Variants in EPB41 observed in about 807,000 individuals in gnomAD.
EPB41 encodes the protein erythrocyte membrane protein band 4.1, also known as protein 4.1.
Under a neutral mutation model 108.0 loss-of-function variants are expected in EPB41, and 65 were observed. The observed-to-expected ratio is 0.60, with a 90% CI of 0.49 to 0.74. EPB41 has a LOEUF of 0.74. EPB41 is among the 30% of genes least tolerant of loss of function. EPB41 has a pLI of 0.00. For missense variants in EPB41, 875 were observed against 1,037.0 expected, an observed-to-expected ratio of 0.84 and a Z score of 2.15; for synonymous variants, 336 against 358.9, an observed-to-expected ratio of 0.94 and a Z score of 0.72.
At chr1:28,982,553 C>T (rs2095781942) in intron 1 of EPB41, 5 of 1,453,090 alleles carry the variant, frequency 3.4e-6, no homozygotes, top group Non-Finnish European at 4.8e-6. Context: ...GCTTTGCATC[C>T]AGAGTAGCGT....
At chr1:28,888,327 G>A (rs1261943699) in intron 1 of EPB41, among the ~76,000 whole-genome samples, 1 of 152,224 alleles carries the variant, frequency 6.6e-6, no homozygotes, top group African/African-American at 2.4e-5. Flanking sequence ...GAGGGGCTGG[G>A]GAGGGGCCAG....
chr1:29,048,898 A>G (rs554012490), intron 11 of EPB41, among the ~76,000 whole-genome samples: 1 of 152,272 alleles, frequency 6.6e-6, no homozygotes, highest in South Asian at 2.1e-4. Context: ...AAAAAGTGGA[A>G]ATATGTCTGT....
At chr1:29,054,536 TAAAAAAAAAAA>T (rs147359708) in intron 12 of EPB41, 2 of 123,960 alleles carry the variant, frequency 1.6e-5, no homozygotes, top group South Asian at 2.7e-4. Context: ...TTGATTATAT[TAAAAAAAAAAA>T]AAAAAAAAAA....
At chr1:28,948,329 G>C (rs1002200280) in intron 1 of EPB41, among the ~76,000 whole-genome samples, 9 of 151,012 alleles carry the variant, frequency 6.0e-5, no homozygotes, top group African/African-American at 2.2e-4. Context: ...GTGAAACCCC[G>C]TCTCTACTAA....
Position 28,987,588 on chromosome 1 carries a change from C to T in EPB41, c.151C>T (p.Gln51Ter). ...TAAEGDNWCE[Q>*]KLKASNGDTP... ...AGCTGAAGGAGATAATTGGTGTGAACAGAAGCTGAAAGCTTCTAATGGAGA... is the reference window on the plus strand; with the variant it reads ...AGCTGAAGGAGATAATTGGTGTGAATAGAAGCTGAAAGCTTCTAATGGAGA... The change falls in exon 2 of 21, where the codon CAG becomes TAG. Residue 51 changes from glutamine to a stop codon, truncating the protein, a stop_gained. Coordinates refer to ENST00000343067, the MANE Select transcript of EPB41 (RefSeq NM_001376013.1). LOFTEE classifies it high-confidence loss of function. The T allele has an allele frequency of 1.9e-6, 3 of 1,614,156 alleles. No homozygotes were observed. In the East Asian group the frequency reaches 6.7e-5, roughly 36 times the overall value.
rs191360435 is a variant in EPB41 at position 29,001,381 on chromosome 1, A to G, written c.786+4062A>G. On this transcript the variant is annotated intron_variant, in intron 4 of 20. Coordinates refer to ENST00000343067, the MANE Select transcript of EPB41 (RefSeq NM_001376013.1). The stretch of plus-strand genomic sequence containing the variant: ...TCACAGTTGTCTAGTCTGGATGGGT[A>G]TCACAGTCTGTTTTATATACAGCTG... Among the ~76,000 whole-genome samples the G allele has an allele frequency of 2.9e-3, 447 of 152,136 alleles. 3 individuals are homozygous for G. The highest frequency in any genetic ancestry group is 0.01 in the African/African-American group (429 of 41,482).
intron 11 of EPB41, among the ~76,000 whole-genome samples, chr1:29,047,253 C>T (rs1178394808): frequency 2.4e-4 from 24 of 100,518 alleles, no homozygotes; most frequent in African/African-American, 3.5e-4. Flanking sequence ...TCTTTCTTTC[C>T]TTTTTTTTTT....
chr1:29,056,972 A>G (rs1645576809), intron 12 of EPB41, among the ~76,000 whole-genome samples: 1 of 152,198 alleles, frequency 6.6e-6, no homozygotes, highest in Non-Finnish European at 1.5e-5. Flanking sequence ...CTAAATGTAC[A>G]ATTCTGGGAA....
Position 29,024,266 on chromosome 1 carries a change from C to T in EPB41, c.1124+5824C>T, listed in dbSNP as rs1164994249. Among the ~76,000 whole-genome samples the T allele has an allele frequency of 3.3e-5, 5 of 151,324 alleles. 1 individual carries two copies. Among genetic ancestry groups the T allele is most frequent in the South Asian group, 2.1e-4 (1 of 4,792 alleles). ...AGGAGAATTGCTTGAACCCAGGAGGCGGAGGTTGCAGTGAGCCGAGATCAT... is the reference window on the plus strand; with the variant it reads ...AGGAGAATTGCTTGAACCCAGGAGGTGGAGGTTGCAGTGAGCCGAGATCAT... On this transcript the variant is annotated intron_variant, in intron 7 of 20. Transcript: ENST00000343067.
At chr1:29,086,994 G>T (rs528475066) in intron 16 of EPB41, among the ~76,000 whole-genome samples, 1 of 142,534 alleles carries the variant, frequency 7.0e-6, no homozygotes, top group African/African-American at 2.6e-5. Flanking sequence ...GCCCAGGCTG[G>T]GGTGCAGTGG....
chr1:28,963,153 TG>T (rs1394405642), intron 1 of EPB41, among the ~76,000 whole-genome samples: 3 of 152,154 alleles, frequency 2.0e-5, no homozygotes, highest in Non-Finnish European at 2.9e-5. Flanking sequence ...AAAACAAGTT[TG>T]TTTTTTTATA....
At chr1:29,064,259 T>A (rs1187837338) in intron 15 of EPB41, among the ~76,000 whole-genome samples, 1 of 152,168 alleles carries the variant, frequency 6.6e-6, no homozygotes, top group African/African-American at 2.4e-5. Context: ...CTAGAAAGCC[T>A]AAGGCGTTTA....
intron 1 of EPB41, among the ~76,000 whole-genome samples, chr1:28,905,626 T>G (rs2091748803): frequency 6.6e-6 from 1 of 152,022 alleles, no homozygotes; most frequent in African/African-American, 2.4e-5. Context: ...GATCTCTGAC[T>G]CCAGCCTCCA....
intron 3 of EPB41, among the ~76,000 whole-genome samples, chr1:28,994,570 A>G (rs1005909872): frequency 6.6e-6 from 1 of 152,184 alleles, no homozygotes; most frequent in East Asian, 1.9e-4. Context: ...AGCAATTGCA[A>G]TTGTTACTAG....
intron 2 of EPB41, among the ~76,000 whole-genome samples, chr1:28,990,011 C>T (rs1248767158): frequency 6.6e-6 from 1 of 151,982 alleles, no homozygotes; most frequent in Non-Finnish European, 1.5e-5. Context: ...AATCCTAGCA[C>T]TCTAGGAGGC....
intron 17 of EPB41, among the ~76,000 whole-genome samples, chr1:29,099,523 G>A (rs2151515029): frequency 6.6e-6 from 1 of 152,172 alleles, no homozygotes; most frequent in Middle Eastern, 3.4e-3. Context: ...TTACCATGTT[G>A]CCCTGGCTGA....
intron 1 of EPB41, among the ~76,000 whole-genome samples, chr1:28,977,630 G>A (rs951272650): frequency 6.6e-6 from 1 of 152,008 alleles, no homozygotes; most frequent in African/African-American, 2.4e-5. Flanking sequence ...CCTCCTTTTG[G>A]ATTTTATATC....
intron 1 of EPB41, among the ~76,000 whole-genome samples, chr1:28,950,995 C>T (rs2094697874): frequency 6.6e-6 from 1 of 152,106 alleles, no homozygotes; most frequent in Admixed American, 6.6e-5. Flanking sequence ...GCCACTACGC[C>T]TGGCTAATTT....
intron 15 of EPB41, among the ~76,000 whole-genome samples, chr1:29,061,355 C>T (rs748419073): frequency 2.0e-5 from 3 of 151,928 alleles, no homozygotes; most frequent in Non-Finnish European, 4.4e-5. Context: ...CTGCAAGCTC[C>T]GCTTCCCGGG....
Sources: allele counts gnomAD v4.1 joint callset (sites outside exome capture counted in the v4.1 genomes callset), GRCh38; gene constraint gnomAD v4.1.1; transcripts MANE v1.5; gene names NCBI Gene and HGNC (gene_info 2026-07-23, HGNC 2026-07-21).